Variants in ADAM19 observed in about 807,000 individuals in gnomAD.
ADAM19 encodes ADAM metallopeptidase domain 19.
A neutral mutation model predicts 114.7 loss-of-function variants in ADAM19; 65 were observed. That is an observed-to-expected ratio of 0.57 (90% confidence interval 0.46 to 0.70). The LOEUF (loss-of-function observed/expected upper bound fraction) is 0.70, where lower values mean the gene tolerates loss of function less well. Ranked by LOEUF, ADAM19 falls within the 30% of genes least tolerant of loss-of-function variation. ADAM19 has a pLI of 0.00. For synonymous variants in ADAM19, 466 were observed against 460.5 expected (o/e 1.01, Z -0.15); for missense variants, 1,063 against 1,204.7 (o/e 0.88, Z 1.74).
intron 4 of ADAM19, among the ~76,000 whole-genome samples, chr5:157,531,477 G>A (rs917730130): frequency 6.6e-6 from 1 of 151,996 alleles, no homozygotes; most frequent in African/African-American, 2.4e-5. Context: ...GACCGCCCTG[G>A]CCAACATGGT....
At chr5:157,554,487 A>G (rs1275950600) in intron 3 of ADAM19, among the ~76,000 whole-genome samples, 1 of 152,264 alleles carries the variant, frequency 6.6e-6, no homozygotes, top group Non-Finnish European at 1.5e-5. Context: ...TTCTGCAGGC[A>G]CAGAAAAGAG....
intron 1 of ADAM19, among the ~76,000 whole-genome samples, chr5:157,572,461 C>G (rs1272118756): frequency 1.3e-5 from 2 of 152,128 alleles, no homozygotes; most frequent in African/African-American, 4.8e-5. Context: ...TCTATTCTGT[C>G]TAAACTAACT....
chr5:157,495,262 A>G (rs1332168663), intron 14 of ADAM19, among the ~76,000 whole-genome samples: 1 of 151,940 alleles, frequency 6.6e-6, no homozygotes, highest in Non-Finnish European at 1.5e-5. Flanking sequence ...CGGCCTCCCA[A>G]AGTGCTGGGA....
At chr5:157,567,770 C>T (rs1010245769) in intron 2 of ADAM19, among the ~76,000 whole-genome samples, 2 of 150,958 alleles carry the variant, frequency 1.3e-5, no homozygotes, top group Admixed American at 1.3e-4. Context: ...GCACTCCAGC[C>T]TAGGCAACAA....
chr5:157,505,522 C>T (rs926899981), intron 11 of ADAM19, 147 bp downstream of exon 11: 30 of 916,936 alleles, frequency 3.3e-5, no homozygotes, highest in Admixed American at 1.3e-4. Context: ...GGTCTTCTCT[C>T]AATTTCTTTG....
At chr5:157,550,911 T>C (rs750537226) in intron 3 of ADAM19, among the ~76,000 whole-genome samples, 32 of 152,188 alleles carry the variant, frequency 2.1e-4, no homozygotes, top group Admixed American at 1.0e-3. Context: ...CTCTCTACTC[T>C]GCACGTTTGA....
rs776854155 is a variant in ADAM19 at position 157,490,147 on chromosome 5, G to A, written c.2240+163C>T. Among the ~76,000 whole-genome samples the A allele has an allele frequency of 1.2e-4, 19 of 152,212 alleles. 1 individual carries two copies. Among genetic ancestry groups the A allele is most frequent in the Non-Finnish European group, 2.8e-4 (19 of 68,034 alleles). ...AGAGTACTTACAATAAGATCAACTA[G>A]TAATGCCTGTCACAGTCATAGCAGG... On this transcript the variant is annotated intron_variant, in intron 19 of 22. Coordinates refer to ENST00000257527, the MANE Select transcript of ADAM19 (RefSeq NM_033274.5).
Position 157,505,714 on chromosome 5 carries a change from G to C in ADAM19, c.1085C>G (p.Ser362Trp). The part of the protein sequence containing the change: ...GMTHDSADCC[S>W]ASAADGGCIM... ...GCACCCACCATCAGCCGCACTGGCC[G>C]AGCAGCAATCTGCAGAATCATGGGT... The change falls in exon 11 of 23, where the codon TCG becomes TGG. Residue 362 changes from serine (S) to tryptophan (W), a missense_variant. Ser to Trp is a radical substitution (Grantham distance 177). Transcript: ENST00000257527. The C allele has an allele frequency of 6.2e-7, 1 of 1,613,990 alleles. No homozygotes were observed. Among genetic ancestry groups the C allele is most frequent in the Non-Finnish European group, 8.5e-7 (1 of 1,179,988 alleles).
intron 1 of ADAM19, chr5:157,572,321 A>G (rs1203565534): frequency 2.2e-6 from 1 of 455,216 alleles, no homozygotes; most frequent in Non-Finnish European, 4.4e-6. Flanking sequence ...AAACTATAGG[A>G]GAGATTTGTT....
In ADAM19 at chr5:157,478,062, G is replaced by A. The variant is rs192295029; in HGVS notation, c.*2887C>T. 6 of 193,490 alleles carry A rather than the reference G, an allele frequency of 3.1e-5. No homozygotes were observed. The East Asian group carries it at 7.6e-4, about 25-fold the overall frequency. The allele number at this position is 193,490 out of a possible 1,614,324, so 12.0% of individuals were successfully genotyped here. A position where few individuals can be genotyped will look rare whatever the true frequency, so the allele number is the denominator to read the frequency against. The stretch of plus-strand genomic sequence containing the variant: ...AGGGAGACAGGGCACTAAATCCCTT[G>A]AGGTTTGTTTTAGAGATGGCTCCAA... On this transcript the variant is annotated 3_prime_UTR_variant, in exon 23 of 23. Coordinates refer to ENST00000257527, the MANE Select transcript of ADAM19 (RefSeq NM_033274.5).
chr5:157,531,894 T>A (rs1363217661), intron 4 of ADAM19, among the ~76,000 whole-genome samples: 2 of 152,022 alleles, frequency 1.3e-5, no homozygotes, highest in Non-Finnish European at 2.9e-5. Context: ...CTGGAAGGAT[T>A]CTCTCCAGAG....
chr5:157,530,247 C>T (rs1756587404), intron 5 of ADAM19, among the ~76,000 whole-genome samples: 1 of 152,178 alleles, frequency 6.6e-6, no homozygotes, highest in Non-Finnish European at 1.5e-5. Flanking sequence ...ACCCTCTGGG[C>T]CACTATCCCC....
chr5:157,522,537 G>A (rs570807902), intron 5 of ADAM19, among the ~76,000 whole-genome samples: 1 of 152,308 alleles, frequency 6.6e-6, no homozygotes, highest in East Asian at 1.9e-4. Flanking sequence ...TGTAATCCCA[G>A]CACTTTGGGA....
chr5:157,525,509 G>A (rs1231142075), intron 5 of ADAM19, among the ~76,000 whole-genome samples: 1 of 152,160 alleles, frequency 6.6e-6, no homozygotes, highest in Non-Finnish European at 1.5e-5. Context: ...GTGAGAGCCG[G>A]GGCTAATCCC....
intron 3 of ADAM19, among the ~76,000 whole-genome samples, chr5:157,556,530 A>C (rs1037769782): frequency 7.2e-5 from 11 of 151,890 alleles, no homozygotes; most frequent in African/African-American, 2.7e-4. Flanking sequence ...CAAGATCTTT[A>C]ACTTAATCAC....
chr5:157,538,710 A>G (rs532903975), intron 3 of ADAM19, among the ~76,000 whole-genome samples: 1 of 152,184 alleles, frequency 6.6e-6, no homozygotes. Context: ...CTCACCACAG[A>G]CCCCTTGAAG....
At chr5:157,552,379 C>T (rs185181766) in intron 3 of ADAM19, among the ~76,000 whole-genome samples, 75 of 146,630 alleles carry the variant, frequency 5.1e-4, no homozygotes, top group Admixed American at 4.3e-3. Flanking sequence ...GGGCCAGGCA[C>T]GGTGGCTCAT....
At chr5:157,515,454 C>T (rs1050668471) in intron 7 of ADAM19, among the ~76,000 whole-genome samples, 7 of 152,138 alleles carry the variant, frequency 4.6e-5, no homozygotes, top group African/African-American at 7.2e-5. Flanking sequence ...CTGCAAAGGC[C>T]GGATTAGGCT....
At chr5:157,566,976 A>C (rs1313077265) in intron 2 of ADAM19, among the ~76,000 whole-genome samples, 1 of 152,196 alleles carries the variant, frequency 6.6e-6, no homozygotes, top group East Asian at 1.9e-4. Flanking sequence ...CCAGCAGATA[A>C]ATTCTTGAAG....
Sources: allele counts gnomAD v4.1 joint callset (sites outside exome capture counted in the v4.1 genomes callset), GRCh38; gene constraint gnomAD v4.1.1; transcripts MANE v1.5; gene names NCBI Gene and HGNC (gene_info 2026-07-23, HGNC 2026-07-21).